The following SPECC1 variants were observed in gnomAD, a reference collection of about 807,000 sequenced individuals.
SPECC1 encodes the protein cytospin-B.
Under a neutral mutation model 104.1 loss-of-function variants are expected in SPECC1, and 62 were observed. That is an observed-to-expected ratio of 0.60 (90% CI 0.49 to 0.74). The LOEUF (loss-of-function observed/expected upper bound fraction) is 0.74, where lower values mean the gene tolerates loss of function less well. Among genes scored for constraint, SPECC1 ranks in the 30% least tolerant of loss-of-function variants. The probability of loss-of-function intolerance (pLI) is 0.00; values close to 1 mark genes in which losing one functional copy is unlikely to be tolerated. For synonymous variants in SPECC1, 513 were observed against 501.6 expected (o/e 1.02, Z -0.30); for missense variants, 1,306 against 1,310.5 (o/e 1.00, Z 0.05).
rs576092179 is a variant in SPECC1 at position 20,119,975 on chromosome 17, C to T, written c.283+9413C>T. Among the ~76,000 whole-genome samples the T allele has an allele frequency of 5.3e-5, 8 of 152,312 alleles. No homozygotes were observed. In the South Asian group the frequency reaches 1.7e-3, roughly 32 times the overall value. ...ATTTTGGATTTTTGGATTAGAGATG[C>T]TGAACTGGTAAGTATAATGCAAATA... On this transcript the variant is annotated intron_variant, in intron 3 of 14. Coordinates refer to ENST00000395527, the MANE Select transcript of SPECC1 (RefSeq NM_001243439.2).
intron 7 of SPECC1, among the ~76,000 whole-genome samples, chr17:20,233,881 T>TG (rs777781899): frequency 6.6e-6 from 1 of 152,264 alleles, no homozygotes; most frequent in Non-Finnish European, 1.5e-5. Context: ...AGTCAGAACT[T>TG]GTGTTGCTTC....
chr17:20,071,143 C>T (rs569210936), intron 1 of SPECC1, among the ~76,000 whole-genome samples: 1 of 152,216 alleles, frequency 6.6e-6, no homozygotes, highest in South Asian at 2.1e-4. Context: ...GCAATCCTCC[C>T]TCCTCAGCCT....
At chr17:20,191,830 ACTGT>A (rs1433190034) in intron 3 of SPECC1, among the ~76,000 whole-genome samples, 6 of 151,876 alleles carry the variant, frequency 4.0e-5, no homozygotes, top group African/African-American at 1.5e-4. Context: ...GAATTGCCAC[ACTGT>A]CTGATGTAGA....
At chr17:20,260,899 C>T (rs769080738) in intron 12 of SPECC1, among the ~76,000 whole-genome samples, 11 of 152,070 alleles carry the variant, frequency 7.2e-5, no homozygotes, top group Non-Finnish European at 1.5e-4. Context: ...ACCTAGTGTT[C>T]TGGTTGGTGG....
chr17:20,037,487 T>C (rs539346226), intron 1 of SPECC1, among the ~76,000 whole-genome samples: 3 of 151,046 alleles, frequency 2.0e-5, no homozygotes, highest in Non-Finnish European at 3.0e-5. Flanking sequence ...GTCCAGTGCT[T>C]CTTTTTTTTT....
chr17:20,220,641 C>T (rs2037817865), intron 4 of SPECC1, among the ~76,000 whole-genome samples: 1 of 143,782 alleles, frequency 7.0e-6, no homozygotes, highest in Non-Finnish European at 1.5e-5. Flanking sequence ...AATTTGACTT[C>T]TTCCTTTCCA....
chr17:20,077,863 G>A (rs1037211842), intron 1 of SPECC1, among the ~76,000 whole-genome samples: 1 of 152,076 alleles, frequency 6.6e-6, no homozygotes, highest in Non-Finnish European at 1.5e-5. Context: ...GAGGCAGATT[G>A]CTCAGCCTTA....
At chr17:20,255,293 C>T (rs1421887724) in intron 10 of SPECC1, among the ~76,000 whole-genome samples, 3 of 152,018 alleles carry the variant, frequency 2.0e-5, no homozygotes, top group Non-Finnish European at 2.9e-5. Context: ...CCTGAGTGTC[C>T]CATACTAGGA....
chr17:20,196,018 A>G (rs2036010137), intron 3 of SPECC1, among the ~76,000 whole-genome samples: 1 of 152,196 alleles, frequency 6.6e-6, no homozygotes, highest in South Asian at 2.1e-4. Context: ...AAAACTGAAT[A>G]ATACCCCTTT....
At chr17:20,266,617 A>T (rs902358747) in intron 12 of SPECC1, among the ~76,000 whole-genome samples, 18 of 152,286 alleles carry the variant, frequency 1.2e-4, no homozygotes, top group Admixed American at 2.6e-4. Context: ...GGTCCTGGGG[A>T]TTCCACAGTG....
rs756435377 is a variant in SPECC1 at position 20,257,492 on chromosome 17, C to A, written c.2722C>A (p.His908Asn). Residue 908 changes from histidine (H) to asparagine (N), a missense_variant, in exon 11 of 15, where the codon CAC (histidine) becomes AAC (asparagine). His to Asn is a moderately conservative substitution (Grantham distance 68). Around this residue, in one of 2 missense-constraint regions of SPECC1, gnomAD observed 1,177 missense variants for 1,139.9 expected, o/e 1.03. Transcript: ENST00000395527. Reference protein sequence around the residue: ...GRTETLKPDPHLRKSPSLESL... With the variant: ...GRTETLKPDPNLRKSPSLESL... ...GACTGAGACCCTGAAGCCAGACCCC[C>A]ACCTCCGCAAGAGTCCCTCACTAGA... The A allele has an allele frequency of 6.2e-7, 1 of 1,606,576 alleles. No homozygotes were observed.
chr17:20,217,543 C>G (rs1053728047), intron 4 of SPECC1, among the ~76,000 whole-genome samples: 11 of 152,146 alleles, frequency 7.2e-5, no homozygotes, highest in Non-Finnish European at 1.3e-4. Context: ...TCCTGGCCCA[C>G]AGTTGTCCCA....
At chr17:20,112,162 A>G in intron 3 of SPECC1, 2 of 763,380 alleles carry the variant, frequency 2.6e-6, no homozygotes, top group South Asian at 2.7e-5. Flanking sequence ...AGAACCTGAT[A>G]GTATGCTGGC....
At chr17:20,216,946 C>T (rs911933782) in intron 4 of SPECC1, among the ~76,000 whole-genome samples, 4 of 151,800 alleles carry the variant, frequency 2.6e-5, no homozygotes, top group Non-Finnish European at 5.9e-5. Flanking sequence ...ATCACTTGAG[C>T]CCCGGAGTTC....
rs1414740002 is a variant in SPECC1, at chr17:20,295,173, C to T, written c.2941-1788C>T. On this transcript the variant is annotated intron_variant, in intron 12 of 14. Transcript: ENST00000395527. The stretch of plus-strand genomic sequence containing the variant: ...CTCCTAATGCTATCCCTCCCCCCTC[C>T]CCCCACCCCATGACAGGCCCCGGTG... 5.2e-5 allele frequency among the ~76,000 whole-genome samples: 6 copies of T among 114,394 alleles called. No individual in the cohort carries two copies. In the East Asian group the frequency reaches 1.9e-3, roughly 37 times the overall value. 75.0% of individuals were successfully genotyped at this position (114,394 alleles called of 152,430 possible).
At chr17:20,011,594 T>C (rs1280123373) in intron 1 of SPECC1, among the ~76,000 whole-genome samples, 3 of 152,170 alleles carry the variant, frequency 2.0e-5, no homozygotes, top group Non-Finnish European at 4.4e-5. Context: ...CCAGGATTTA[T>C]TGATTAATTC....
intron 6 of SPECC1, 34 bp from the exon 7 acceptor site, chr17:20,232,166 C>CCTTAT: frequency 6.2e-7 from 1 of 1,610,738 alleles, no homozygotes; most frequent in Non-Finnish European, 8.5e-7. Context: ...CCCTGGCAGG[C>CCTTAT]GTCTGACATA....
intron 1 of SPECC1, chr17:20,017,909 C>G (rs4925067): frequency 0.51 from 78,064 of 151,998 alleles, 20,593 homozygotes; most frequent in African/African-American, 0.59. Flanking sequence ...CCTGTTTCAT[C>G]ATACTGAATA....
At chr17:20,197,297 A>G (rs1176722207) in intron 3 of SPECC1, among the ~76,000 whole-genome samples, 1 of 152,194 alleles carries the variant, frequency 6.6e-6, no homozygotes, top group Non-Finnish European at 1.5e-5. Flanking sequence ...TTTATGCCAA[A>G]CAGCCAATAT....
Sources: gnomAD v4.1 joint callset for allele counts (sites outside exome capture counted in the v4.1 genomes callset) on GRCh38, gnomAD v4.1.1 for gene constraint, gnomAD v4.1.1 regional missense constraint, MANE v1.5 for transcripts, NCBI Gene and HGNC (gene_info 2026-07-23, HGNC 2026-07-21) for gene names.